The following CDH13 variants were observed in gnomAD, a reference collection of about 807,000 sequenced individuals.
The protein encoded by CDH13 is cadherin 13.
Under a neutral mutation model 63.8 loss-of-function variants are expected in CDH13, and 24 were observed. The ratio of observed to expected loss-of-function variants is 0.38; its 90% CI spans 0.27 to 0.53. CDH13 has a LOEUF of 0.53. Ranked by LOEUF, CDH13 falls within the 20% of genes least tolerant of loss-of-function variation. CDH13 has a pLI of 0.85. For synonymous variants in CDH13, 503 were observed against 355.3 expected (o/e 1.42, Z -4.67); for missense variants, 1,049 against 903.1 (o/e 1.16, Z -2.07).
chr16:82,969,424 C>T (rs1041589305), intron 2 of CDH13, among the ~76,000 whole-genome samples: 1 of 151,600 alleles, frequency 6.6e-6, no homozygotes, highest in Non-Finnish European at 1.5e-5. Flanking sequence ...TTCCTATTAG[C>T]TGAATACCTG....
At chr16:82,716,499 T>G (rs981818758) in intron 1 of CDH13, among the ~76,000 whole-genome samples, 2 of 151,294 alleles carry the variant, frequency 1.3e-5, no homozygotes, top group African/African-American at 4.9e-5. Context: ...CAAAAAATTA[T>G]TAAACAGTTG....
At chr16:83,024,443 C>T (rs1223120116) in intron 2 of CDH13, among the ~76,000 whole-genome samples, 1 of 152,020 alleles carries the variant, frequency 6.6e-6, no homozygotes, top group South Asian at 2.1e-4. Context: ...AGCTGAATGA[C>T]TAAAGGAAAG....
intron 3 of CDH13, among the ~76,000 whole-genome samples, chr16:83,063,035 C>A (rs2031704403): frequency 6.7e-6 from 1 of 150,250 alleles, no homozygotes; most frequent in South Asian, 2.1e-4. Context: ...GATCTCGGCT[C>A]ACTGCAACCT....
chr16:82,916,686 A>C (rs2042002820), intron 2 of CDH13, among the ~76,000 whole-genome samples: 1 of 152,240 alleles, frequency 6.6e-6, no homozygotes, highest in African/African-American at 2.4e-5. Flanking sequence ...ATGAGAACAT[A>C]TCAATAATTT....
At chr16:83,092,750 A>G (rs765397081) in intron 3 of CDH13, among the ~76,000 whole-genome samples, 2 of 152,178 alleles carry the variant, frequency 1.3e-5, no homozygotes, top group Non-Finnish European at 2.9e-5. Flanking sequence ...TTATTACCCC[A>G]AAGAGTAGGA....
chr16:82,735,367 A>G (rs986595966), intron 1 of CDH13, among the ~76,000 whole-genome samples: 3 of 152,240 alleles, frequency 2.0e-5, no homozygotes, highest in Non-Finnish European at 2.9e-5. Context: ...TCCTTGTCAC[A>G]TGGCTGGGTC....
At chr16:83,786,302 G>A (rs1307423053) in intron 13 of CDH13, among the ~76,000 whole-genome samples, 2 of 152,162 alleles carry the variant, frequency 1.3e-5, no homozygotes, top group East Asian at 3.9e-4. Context: ...TGTGATAAGA[G>A]CAACGTGTTA....
intron 8 of CDH13, among the ~76,000 whole-genome samples, chr16:83,604,568 T>C (rs1908150316): frequency 6.6e-6 from 1 of 152,228 alleles, no homozygotes; most frequent in Non-Finnish European, 1.5e-5. Flanking sequence ...GGGTTAGGTA[T>C]GGTCTGTGGG....
intron 2 of CDH13, among the ~76,000 whole-genome samples, chr16:83,017,448 G>C (rs1369141501): frequency 6.6e-6 from 1 of 152,092 alleles, no homozygotes; most frequent in Non-Finnish European, 1.5e-5. Context: ...TCTTTCCCAA[G>C]GACCTGGAAC....
chr16:83,586,797 C>A (rs1336912860), intron 7 of CDH13, among the ~76,000 whole-genome samples: 1 of 152,078 alleles, frequency 6.6e-6, no homozygotes, highest in South Asian at 2.1e-4. Flanking sequence ...AATCTGTGGC[C>A]GGGTTATGCT....
intron 2 of CDH13, among the ~76,000 whole-genome samples, chr16:82,883,435 T>G (rs955448630): frequency 6.6e-6 from 1 of 152,198 alleles, no homozygotes; most frequent in East Asian, 1.9e-4. Flanking sequence ...CCAGGCCCTT[T>G]GCCTAGTGGT....
intron 8 of CDH13, among the ~76,000 whole-genome samples, chr16:83,606,700 C>G (rs1370868646): frequency 4.1e-5 from 6 of 147,280 alleles, no homozygotes; most frequent in Admixed American, 6.8e-5. Context: ...GCACTCCAGC[C>G]TGGGTGACAG....
chr16:83,783,041 A>T (rs1915637598), intron 12 of CDH13, among the ~76,000 whole-genome samples: 1 of 152,212 alleles, frequency 6.6e-6, no homozygotes, highest in East Asian at 1.9e-4. Context: ...GCCAGCAGCC[A>T]TGTGTGGCTT....
At chr16:83,495,377 A>T (rs1264918549) in intron 7 of CDH13, among the ~76,000 whole-genome samples, 1 of 152,162 alleles carries the variant, frequency 6.6e-6, no homozygotes, top group Non-Finnish European at 1.5e-5. Context: ...AATAGAAAGG[A>T]AATGTCTAGC....
intron 7 of CDH13, among the ~76,000 whole-genome samples, chr16:83,574,148 T>C (rs972077138): frequency 1.2e-4 from 18 of 152,166 alleles, no homozygotes; most frequent in African/African-American, 3.4e-4. Flanking sequence ...GAGAGATAAG[T>C]GCCTGGGTCA....
At chr16:82,979,032 T>G (rs12921008) in intron 2 of CDH13, among the ~76,000 whole-genome samples, 8,115 of 152,304 alleles carry the variant, frequency 0.053, 224 homozygotes, top group Non-Finnish European at 0.061. Context: ...GCCCTAGATG[T>G]GAGACATGAA....
At chr16:83,436,034 C>G (rs1365896919) in intron 6 of CDH13, among the ~76,000 whole-genome samples, 1 of 152,172 alleles carries the variant, frequency 6.6e-6, no homozygotes, top group Non-Finnish European at 1.5e-5. Context: ...CTCAGGGATG[C>G]TAGTGGCGTC....
intron 8 of CDH13, among the ~76,000 whole-genome samples, chr16:83,628,364 T>G (rs1910503840): frequency 6.6e-6 from 1 of 152,126 alleles, no homozygotes; most frequent in African/African-American, 2.4e-5. Flanking sequence ...CACCTCAGCC[T>G]CCTAAAATGC....
At chr16:83,179,082 C>T (rs1384905683) in intron 4 of CDH13, among the ~76,000 whole-genome samples, 1 of 152,126 alleles carries the variant, frequency 6.6e-6, no homozygotes. Context: ...TTATGGAATT[C>T]GAGTCTCACA....
Sources: allele counts gnomAD v4.1 joint callset (sites outside exome capture counted in the v4.1 genomes callset), GRCh38; gene constraint gnomAD v4.1.1; transcripts MANE v1.5; gene names NCBI Gene and HGNC (gene_info 2026-07-23, HGNC 2026-07-21).